CC2D2B: variants seen among roughly 807,000 people sequenced by gnomAD.
CC2D2B encodes the protein coiled-coil and C2 domain containing 2B.
CC2D2B carries 128 observed loss-of-function variants against 161.2 expected under a neutral mutation model. The observed-to-expected ratio is 0.79, with a 90% CI of 0.69 to 0.92. The LOEUF is 0.92. Ranked by LOEUF, CC2D2B falls within the 40% of genes least tolerant of loss-of-function variation. CC2D2B has a pLI of 0.00. For missense variants in CC2D2B, 1,173 were observed against 1,375.1 expected, an observed-to-expected ratio of 0.85 and a Z score of 2.32; for synonymous variants, 391 against 449.8, an observed-to-expected ratio of 0.87 and a Z score of 1.65.
intron 9 of CC2D2B, among the ~76,000 whole-genome samples, chr10:95,947,818 C>T (rs915489377): frequency 6.6e-6 from 1 of 151,920 alleles, no homozygotes; most frequent in Non-Finnish European, 1.5e-5. Flanking sequence ...AGCCTACAGA[C>T]TTCAGAAATT....
Position 96,012,302 on chromosome 10 carries a change from T to C in CC2D2B, c.3163T>C (p.Leu1055=). ...NEQNLKECTF[L]NIFATIEPQI... ...GCAGAATTTAAAAGAATGTACATTCTTAAATATTTTTGCTACCATTGAACC... is the reference window on the plus strand; with the variant it reads ...GCAGAATTTAAAAGAATGTACATTCCTAAATATTTTTGCTACCATTGAACC... The change falls in exon 27 of 35, where the codon TTA becomes CTA. Residue 1055 remains leucine, a synonymous_variant. Coordinates refer to ENST00000646931, the MANE Select transcript of CC2D2B (RefSeq NM_001349008.3). 1 of 712,452 alleles carries C rather than the reference T, an allele frequency of 1.4e-6. No individual in the cohort carries two copies. Among genetic ancestry groups the C allele is most frequent in the Non-Finnish European group, 2.6e-6 (1 of 384,130 alleles). The allele number at this position is 712,452 out of a possible 1,614,324, so 44.1% of individuals were successfully genotyped here.
chr10:95,931,267 C>A (rs1485804799), intron 6 of CC2D2B, among the ~76,000 whole-genome samples: 1 of 151,860 alleles, frequency 6.6e-6, no homozygotes, highest in East Asian at 1.9e-4. Flanking sequence ...CTATTTGATT[C>A]TCCTCTCTTT....
chr10:96,014,099 C>A lies in CC2D2B; in HGVS notation c.3516+222C>A, dbSNP rs11188558. Among the ~76,000 whole-genome samples the A allele has an allele frequency of 4.1e-3, 627 of 152,228 alleles. 28 individuals are homozygous for A. The East Asian group carries it at 0.095, about 23-fold the overall frequency. ...AAGTGGTAGCTCATGAATATTTTGA[C>A]TCAACGGGAATTCCAGGAGTATAAT... On this transcript the variant is annotated intron_variant, in intron 29 of 34. Transcript: ENST00000646931.
Position 95,968,814 on chromosome 10 carries a change from A to G in CC2D2B, c.1557A>G (p.Val519=), listed in dbSNP as rs189587365. ...YNNKQVSCTS[V]SPLQFDFKVM... The stretch of plus-strand genomic sequence containing the variant: ...ATAAACAGGTTTCTTGTACTTCAGT[A>G]TCTCCCCTACAGTTTGATTTTAAAG... The change falls in exon 15 of 35, where the codon GTA becomes GTG. Residue 519 remains valine (V), a synonymous_variant. Transcript: ENST00000646931. 45 of 1,205,356 alleles carry G rather than the reference A, an allele frequency of 3.7e-5. 2 individuals are homozygous for G. In the African/African-American group the frequency reaches 4.4e-4, roughly 12 times the overall value. The allele number at this position is 1,205,356 out of a possible 1,614,324, so 74.7% of individuals were successfully genotyped here.
chr10:96,008,348 C>T (rs1022312416), intron 25 of CC2D2B, among the ~76,000 whole-genome samples: 7 of 151,908 alleles, frequency 4.6e-5, no homozygotes, highest in Admixed American at 1.3e-4. Flanking sequence ...AGGTTGTTTT[C>T]ATTTTTTGAC....
rs2098547218 is a variant in CC2D2B, at chr10:95,930,076, AGTGGTTTATAGTTCT to A, written c.336+2745_336+2759del. ...TGTGTCCTCTTTTATTTAATTGAGC[AGTGGTTTATAGTTCT>A]CCTTGAAGAGGTGCTTCACATCCCT... is the stretch of plus-strand genomic sequence containing the variant. On this transcript the variant is annotated intron_variant, in intron 6 of 34. Coordinates refer to ENST00000646931, the MANE Select transcript of CC2D2B (RefSeq NM_001349008.3). Among the ~76,000 whole-genome samples, 3 of 152,160 alleles carry A rather than the reference AGTGGTTTATAGTTCT, an allele frequency of 2.0e-5. No individual in the cohort carries two copies. The South Asian group carries it at 6.2e-4, about 32-fold the overall frequency.
At position 95,908,624 on chromosome 10, in the gene CC2D2B, A is replaced by G. The variant is rs148321221; in HGVS notation, c.-24+567A>G. Among the ~76,000 whole-genome samples, 455 of 152,172 alleles carry G rather than the reference A, an allele frequency of 3.0e-3. 9 individuals carry two copies. The East Asian group carries it at 0.032, about 11-fold the overall frequency. ...GAGGGGTTATGTTGGAGAGTGGTCA[A>G]TGTTGGAGAGTGGTCACTGCGGCTT... On this transcript the variant is annotated intron_variant, in intron 1 of 34. Coordinates refer to ENST00000646931, the MANE Select transcript of CC2D2B (RefSeq NM_001349008.3).
intron 10 of CC2D2B, chr10:95,952,337 A>T (rs946330639): frequency 1.3e-5 from 2 of 152,180 alleles, no homozygotes; most frequent in Non-Finnish European, 2.9e-5. Context: ...AAAAAATTGT[A>T]CAAGTAATAC....
chr10:95,950,336 G>A, intron 10 of CC2D2B: 1 of 323,548 alleles, frequency 3.1e-6, no homozygotes. Context: ...GGTATTCTTG[G>A]TCCTATAACT....
At position 96,009,844 on chromosome 10, in the gene CC2D2B, G is replaced by A; in HGVS notation, c.2966G>A (p.Cys989Tyr). The A allele has an allele frequency of 6.3e-7, 1 of 1,591,896 alleles. No individual in the cohort carries two copies. The highest frequency in any genetic ancestry group is 8.6e-7 in the Non-Finnish European group (1 of 1,163,656). Residue 989 changes from cysteine (C) to tyrosine (Y), a missense_variant, in exon 26 of 35, where the codon TGT becomes TAT. This residue lies in a region of CC2D2B where 598 missense variants were observed against 693.2 expected (regional missense o/e 0.86). Coordinates refer to ENST00000646931, the MANE Select transcript of CC2D2B (RefSeq NM_001349008.3). ...EKHEDHCLKS[C>Y]SGHSYIRKNW... ...TCATAGGATCACTGTCTCAAGAGCT[G>A]TAGTGGTCACTCATATATAAGAAAG... is the stretch of plus-strand genomic sequence containing the variant.
chr10:95,954,268 C>G (rs2076500246), intron 10 of CC2D2B, among the ~76,000 whole-genome samples: 1 of 152,018 alleles, frequency 6.6e-6, no homozygotes, highest in Non-Finnish European at 1.5e-5. Flanking sequence ...TTATTTCTAG[C>G]CTTTTCTATC....
In CC2D2B at chr10:96,028,884, A is replaced by G. The variant is rs117734262; in HGVS notation, c.4125+1495A>G. On this transcript the variant is annotated intron_variant, in intron 34 of 34. Transcript: ENST00000646931. ...GAAATTAGATAGGCACAGAAAGACA[A>G]ACATCACATGTTCTCACTTATTTGT... 4.6e-3 allele frequency among the ~76,000 whole-genome samples: 697 copies of G among 152,240 alleles called. 2 individuals are homozygous for G. Among genetic ancestry groups the G allele is most frequent in the Non-Finnish European group, 7.2e-3 (493 of 68,020 alleles).
intron 11 of CC2D2B, among the ~76,000 whole-genome samples, chr10:95,957,307 C>T (rs536605405): frequency 6.6e-6 from 1 of 152,278 alleles, no homozygotes; most frequent in Non-Finnish European, 1.5e-5. Flanking sequence ...GCCCCTCTAT[C>T]TCTGGATAAA....
At chr10:96,027,036 T>G (rs2079812691) in intron 33 of CC2D2B, among the ~76,000 whole-genome samples, 176 bp from the exon 34 acceptor site, 1 of 151,712 alleles carries the variant, frequency 6.6e-6, no homozygotes, top group Non-Finnish European at 1.5e-5. Flanking sequence ...GGCAGGAGAA[T>G]CACTTGAACC....
intron 9 of CC2D2B, among the ~76,000 whole-genome samples, chr10:95,942,915 T>C (rs1032044102): frequency 2.6e-5 from 4 of 152,200 alleles, no homozygotes; most frequent in African/African-American, 9.6e-5. Context: ...AAATAACTTT[T>C]CTATTTTCAC....
intron 19 of CC2D2B, chr10:95,984,484 G>T (rs984776098): frequency 1.3e-5 from 2 of 152,020 alleles, no homozygotes; most frequent in Non-Finnish European, 2.9e-5. Flanking sequence ...CTGTAATTGA[G>T]AATATGTTAG....
intron 34 of CC2D2B, among the ~76,000 whole-genome samples, chr10:96,029,241 C>CATATATATAT (rs56195141): frequency 1.0e-4 from 7 of 67,168 alleles, no homozygotes; most frequent in Non-Finnish European, 1.4e-4. Context: ...TTTCATGTAC[C>CATATATATAT]ATATATATAT....
At chr10:96,003,945 A>G (rs533360818) in intron 24 of CC2D2B, among the ~76,000 whole-genome samples, 2 of 152,328 alleles carry the variant, frequency 1.3e-5, no homozygotes, top group South Asian at 4.1e-4. Flanking sequence ...TTTATTTTTC[A>G]TCTTAAGAGA....
chr10:95,961,845 T>C lies in CC2D2B; in HGVS notation c.1126T>C (p.Tyr376His). 1 of 1,231,600 alleles carries C rather than the reference T, an allele frequency of 8.1e-7. No individual in the cohort carries two copies. Among genetic ancestry groups the C allele is most frequent in the Non-Finnish European group, 1.0e-6 (1 of 987,592 alleles). 76.3% of individuals were successfully genotyped at this position (1,231,600 alleles called of 1,614,324 possible). A position where few individuals can be genotyped will look rare whatever the true frequency, so the allele number is the denominator to read the frequency against. ...TTGTTGTAGTAATACAAAACAGATG[T>C]ATGACTTAGAAAGGGGAAAGGACCT... ...YWQISNTKQM[Y>H]DLERGKDLSL... Residue 376 changes from tyrosine (Y) to histidine (H), a missense_variant, in exon 12 of 35, where the codon TAT becomes CAT. Transcript: ENST00000646931.
Sources: gnomAD v4.1 joint callset for allele counts (sites outside exome capture counted in the v4.1 genomes callset) on GRCh38, gnomAD v4.1.1 for gene constraint, gnomAD v4.1.1 regional missense constraint, MANE v1.5 for transcripts, NCBI Gene and HGNC (gene_info 2026-07-23, HGNC 2026-07-21) for gene names.